Variants in SCML2 observed in about 807,000 individuals in gnomAD.
SCML2 encodes the protein sex comb on midleg-like protein 2.
Under a neutral mutation model 48.4 loss-of-function variants are expected in SCML2, and 6 were observed. That is an observed-to-expected ratio of 0.12 (90% CI 0.07 to 0.24). The LOEUF is 0.24. Among genes scored for constraint, SCML2 ranks in the 10% least tolerant of loss-of-function variants. The pLI is 1.00. For missense variants in SCML2, 377 were observed against 528.2 expected (o/e 0.71, Z 2.81); for synonymous variants, 181 against 189.5 (o/e 0.95, Z 0.37).
intron 3 of SCML2, among the ~76,000 whole-genome samples, chrX:18,329,608 T>C (rs1046936705): frequency 1.8e-5 from 2 of 112,746 alleles, no homozygotes; most frequent in African/African-American, 6.4e-5. Flanking sequence ...CCTGAGTGTC[T>C]CTGATGCAAT....
intron 1 of SCML2, among the ~76,000 whole-genome samples, chrX:18,345,374 C>G (rs1180515817): frequency 9.0e-6 from 1 of 111,337 alleles, no homozygotes; most frequent in East Asian, 2.8e-4. Context: ...CTATATAGAA[C>G]CAGAATACTG....
intron 7 of SCML2, among the ~76,000 whole-genome samples, chrX:18,279,380 A>G: frequency 8.9e-6 from 1 of 112,748 alleles, no homozygotes; most frequent in Middle Eastern, 4.2e-3. Context: ...CCAATGGACT[A>G]TACTCAACTT....
At chrX:18,322,210 G>C (rs1929344881) in intron 5 of SCML2, among the ~76,000 whole-genome samples, 1 of 112,210 alleles carries the variant, frequency 8.9e-6, no homozygotes, top group Non-Finnish European at 1.9e-5. Flanking sequence ...GGCACCAATG[G>C]TGCATTTTTA....
chrX:18,261,414 T>C (rs1185447202), intron 8 of SCML2, among the ~76,000 whole-genome samples: 2 of 109,683 alleles, frequency 1.8e-5, no homozygotes, highest in African/African-American at 7.0e-5. Context: ...AGATAGTATG[T>C]TTGCATTAAC....
chrX:18,326,436 T>C (rs1279769024), intron 3 of SCML2, among the ~76,000 whole-genome samples: 1 of 110,572 alleles, frequency 9.0e-6, no homozygotes, highest in East Asian at 2.8e-4. Flanking sequence ...CCCAGCACTT[T>C]GGGAGGCTGA....
At chrX:18,337,239 T>C (rs1188951587) in intron 1 of SCML2, among the ~76,000 whole-genome samples, 2 of 92,251 alleles carry the variant, frequency 2.2e-5, no homozygotes, top group Non-Finnish European at 4.1e-5. Flanking sequence ...GAGGTGGAGG[T>C]TGCAGTGAGC....
At chrX:18,279,279 T>C (rs1297387747) in intron 7 of SCML2, among the ~76,000 whole-genome samples, 5 of 112,766 alleles carry the variant, frequency 4.4e-5, no homozygotes, top group African/African-American at 1.6e-4. Flanking sequence ...ATTGGGCTAA[T>C]AAATACACCT....
chrX:18,315,640 C>T (rs1010074965), intron 6 of SCML2, among the ~76,000 whole-genome samples: 4 of 111,471 alleles, frequency 3.6e-5, no homozygotes, highest in Non-Finnish European at 5.6e-5. Context: ...ATTACAAGGA[C>T]TCTCTGAAAA....
At chrX:18,304,714 T>C (rs1221191551) in intron 7 of SCML2, among the ~76,000 whole-genome samples, 1 of 111,759 alleles carries the variant, frequency 8.9e-6, no homozygotes, top group Non-Finnish European at 1.9e-5. Context: ...ACCTCAATGG[T>C]CCAAATATGA....
chrX:18,311,156 T>C (rs1928936294), intron 6 of SCML2, among the ~76,000 whole-genome samples: 1 of 112,167 alleles, frequency 8.9e-6, no homozygotes, highest in African/African-American at 3.2e-5. Flanking sequence ...TCTATCTCCT[T>C]ATTTTTAATC....
chrX:18,272,810 GA>G (rs778756749), intron 7 of SCML2, among the ~76,000 whole-genome samples: 2 of 111,215 alleles, frequency 1.8e-5, no homozygotes, highest in Non-Finnish European at 1.9e-5. Context: ...CAAATGGAAG[GA>G]AAAAAGTTTC....
chrX:18,241,540 C>G (rs1338278689), intron 14 of SCML2, among the ~76,000 whole-genome samples, 161 bp from the exon 15 acceptor site: 1 of 112,317 alleles, frequency 8.9e-6, no homozygotes, highest in African/African-American at 3.2e-5. Flanking sequence ...TACAGTGAAG[C>G]ATCATTTGAT....
At chrX:18,243,657 T>C (rs776439821) in intron 13 of SCML2, among the ~76,000 whole-genome samples, 6 of 111,884 alleles carry the variant, frequency 5.4e-5, no homozygotes, top group Non-Finnish European at 7.5e-5. Flanking sequence ...AATAGATATT[T>C]TGGTTGAAGG....
At chrX:18,330,686 GTC>G in intron 2 of SCML2, 31 bp from the exon 3 acceptor site, 3 of 906,955 alleles carry the variant, frequency 3.3e-6, no homozygotes, top group Non-Finnish European at 4.7e-6. Flanking sequence ...AATACTGGGA[GTC>G]CACAGCAACA....
chrX:18,337,942 G>T (rs1929886332), intron 1 of SCML2, among the ~76,000 whole-genome samples: 1 of 111,786 alleles, frequency 8.9e-6, no homozygotes, highest in Admixed American at 9.5e-5. Context: ...AATTAAACTA[G>T]AAATCAATAA....
intron 6 of SCML2, among the ~76,000 whole-genome samples, chrX:18,315,101 CAAAAAAAAAAAAAA>C (rs761378739): frequency 8.5e-5 from 2 of 23,446 alleles, no homozygotes; most frequent in Non-Finnish European, 1.7e-4. Context: ...TCTGTCTCAC[CAAAAAAAAAAAAAA>C]AAAAAAAAAA....
At chrX:18,344,848 C>T (rs1196580147) in intron 1 of SCML2, among the ~76,000 whole-genome samples, 1 of 111,038 alleles carries the variant, frequency 9.0e-6, no homozygotes, top group Non-Finnish European at 1.9e-5. Context: ...CTAGACAAAA[C>T]GGATCCATGA....
At chrX:18,310,855 C>G (rs1379563119) in intron 6 of SCML2, among the ~76,000 whole-genome samples, 1 of 111,394 alleles carries the variant, frequency 9.0e-6, no homozygotes, top group Admixed American at 9.7e-5. Flanking sequence ...CTGCATTACT[C>G]CTCTGCCTGG....
chrX:18,321,314 T>C (rs1287545142), intron 5 of SCML2, among the ~76,000 whole-genome samples: 2 of 111,367 alleles, frequency 1.8e-5, no homozygotes, highest in Non-Finnish European at 3.8e-5. Flanking sequence ...GCATCTGGCA[T>C]ATGCAGCAGG....
Sources: gnomAD v4.1 joint callset for allele counts (sites outside exome capture counted in the v4.1 genomes callset) on GRCh38, gnomAD v4.1.1 for gene constraint, MANE v1.5 for transcripts, NCBI Gene and HGNC (gene_info 2026-07-23, HGNC 2026-07-21) for gene names.